Variants in GRIA3 observed in about 807,000 individuals in gnomAD.
GRIA3 encodes glutamate ionotropic receptor AMPA type subunit 3, also known as glutamate receptor 3.
Under a neutral mutation model 63.0 loss-of-function variants are expected in GRIA3, and 3 were observed. The observed-to-expected ratio is 0.05, with a 90% confidence interval of 0.02 to 0.12. The LOEUF is 0.12. GRIA3 is among the 10% of genes least tolerant of loss of function. The pLI is 1.00. For synonymous variants in GRIA3, 274 were observed against 257.9 expected (o/e 1.06, Z -0.60); for missense variants, 347 against 700.9 (o/e 0.50, Z 5.70).
At chrX:123,324,137 G>T (rs2044885474) in intron 3 of GRIA3, among the ~76,000 whole-genome samples, 1 of 111,755 alleles carries the variant, frequency 8.9e-6, no homozygotes, top group African/African-American at 3.3e-5. Flanking sequence ...AAAATGTGAA[G>T]GACTAACACA....
At chrX:123,469,488 C>T (rs948122348) in intron 13 of GRIA3, among the ~76,000 whole-genome samples, 10 of 111,893 alleles carry the variant, frequency 8.9e-5, no homozygotes, top group Admixed American at 8.6e-4. Context: ...CAAGCTGAAA[C>T]CAGAATACTC....
At position 123,489,082 on chromosome X, in the gene GRIA3, T is replaced by TACACACACACACACACACACACACAC. The variant is rs34745333; in HGVS notation, c.*382_*407dup. On this transcript the variant is annotated 3_prime_UTR_variant, in exon 16 of 16. Coordinates refer to ENST00000620443, the MANE Select transcript of GRIA3 (RefSeq NM_007325.5). ...AGTATATAAACACCATGTTCTTTAA[T>TACACACACACACACACACACACACAC]ACACACACACACACACACACACACA... 4.2e-5 allele frequency: 4 copies of TACACACACACACACACACACACACAC among 94,180 alleles called. No individual in the cohort carries two copies. Among genetic ancestry groups the TACACACACACACACACACACACACAC allele is most frequent in the African/African-American group, 1.5e-4 (4 of 26,033 alleles). The allele number at this position is 94,180 out of a possible 1,213,427, so 7.8% of individuals were successfully genotyped here. A position where few individuals can be genotyped will look rare whatever the true frequency, so the allele number is the denominator to read the frequency against.
intron 7 of GRIA3, among the ~76,000 whole-genome samples, chrX:123,400,376 T>C (rs1369391998): frequency 9.0e-6 from 1 of 111,703 alleles, no homozygotes; most frequent in African/African-American, 3.2e-5. Flanking sequence ...GGACAATCTC[T>C]ATTGCTCCAG....
Position 123,184,422 on chromosome X carries a change from G to GC in GRIA3, c.-113dup. On this transcript the variant is annotated 5_prime_UTR_variant, in exon 1 of 16. Coordinates refer to ENST00000620443, the MANE Select transcript of GRIA3 (RefSeq NM_007325.5). ...GGGTGGAAAGGAAGAGTGAGCGAGA[G>GC]CAAGTTAAGGGGAGGGGGTGTAAGA... 3.3e-6 allele frequency: 2 copies of GC among 608,872 alleles called. No individual in the cohort carries two copies. The highest frequency in any genetic ancestry group is 5.7e-6 in the Non-Finnish European group (2 of 350,338). 50.2% of individuals were successfully genotyped at this position (608,872 alleles called of 1,213,427 possible).
chrX:123,282,960 G>A (rs945617104), intron 3 of GRIA3, among the ~76,000 whole-genome samples: 2 of 111,778 alleles, frequency 1.8e-5, no homozygotes, highest in African/African-American at 6.5e-5. Context: ...TGGCAAGACG[G>A]CCAAATAGGA....
intron 13 of GRIA3, among the ~76,000 whole-genome samples, chrX:123,479,340 A>G (rs1044087422): frequency 8.9e-6 from 1 of 112,053 alleles, no homozygotes; most frequent in African/African-American, 3.2e-5. Context: ...CTCAAAAACA[A>G]TCCATAGACC....
intron 14 of GRIA3, among the ~76,000 whole-genome samples, chrX:123,481,043 T>C (rs2045910296): frequency 8.9e-6 from 1 of 112,127 alleles, no homozygotes; most frequent in South Asian, 3.7e-4. Context: ...TGCTACTGGT[T>C]TTCTACATCC....
chrX:123,395,215 G>A (rs1311925442), intron 6 of GRIA3, 86 bp downstream of exon 6: 1 of 833,097 alleles, frequency 1.2e-6, no homozygotes, highest in Non-Finnish European at 1.8e-6. Context: ...GTCATCTTAT[G>A]ATCAAGTGAT....
intron 1 of GRIA3, chrX:123,185,000 C>T (rs887717729): frequency 7.9e-5 from 28 of 355,015 alleles, no homozygotes; most frequent in Non-Finnish European, 1.3e-4. Context: ...TTTGCCATGG[C>T]GTGCGTGCAG....
At chrX:123,204,241 A>C (rs1179404280) in intron 2 of GRIA3, among the ~76,000 whole-genome samples, 1 of 111,972 alleles carries the variant, frequency 8.9e-6, no homozygotes, top group East Asian at 2.8e-4. Context: ...CGCAGATCAC[A>C]CTACTTAGAT....
intron 3 of GRIA3, among the ~76,000 whole-genome samples, chrX:123,311,206 C>T (rs756723833): frequency 2.5e-4 from 28 of 111,478 alleles, no homozygotes; most frequent in African/African-American, 7.8e-4. Flanking sequence ...TTAGATTGCA[C>T]GCAAGTTCAA....
Position 123,489,806 on chromosome X carries a change from T to C in GRIA3, c.*1096T>C, listed in dbSNP as rs989747354. 3.6e-5 allele frequency: 4 copies of C among 112,245 alleles called. No individual in the cohort carries two copies. Among genetic ancestry groups the C allele is most frequent in the African/African-American group, 1.3e-4 (4 of 30,800 alleles). 9.3% of individuals were successfully genotyped at this position (112,245 alleles called of 1,213,427 possible). On this transcript the variant is annotated 3_prime_UTR_variant, in exon 16 of 16. Coordinates refer to ENST00000620443, the MANE Select transcript of GRIA3 (RefSeq NM_007325.5). ...TCAGACCACAGTTCTCAGTCTGACT[T>C]TACTCTTGCTAGGTCTGTCCTACTA... is the stretch of plus-strand genomic sequence containing the variant.
intron 2 of GRIA3, among the ~76,000 whole-genome samples, chrX:123,186,306 GA>G (rs984207792): frequency 2.0e-4 from 21 of 106,187 alleles, no homozygotes; most frequent in African/African-American, 3.4e-4. Context: ...TTTAACTGGG[GA>G]AAAAAAAAGA....
intron 13 of GRIA3, among the ~76,000 whole-genome samples, chrX:123,476,866 G>C (rs1452183602): frequency 1.8e-5 from 2 of 111,366 alleles, no homozygotes; most frequent in Admixed American, 1.9e-4. Flanking sequence ...CCCGACCCAG[G>C]TGTGACAACA....
intron 1 of GRIA3, 53 bp from the exon 2 acceptor site, chrX:123,185,779 C>T: frequency 9.3e-7 from 1 of 1,075,832 alleles, no homozygotes; most frequent in Admixed American, 2.2e-5. Context: ...CAATTCCTAA[C>T]TGGCCCTAGT....
chrX:123,276,354 T>C (rs1188618448), intron 3 of GRIA3, among the ~76,000 whole-genome samples: 6 of 111,808 alleles, frequency 5.4e-5, no homozygotes, highest in Admixed American at 1.9e-4. Context: ...ATCTAGGTGA[T>C]GATTTTGAGA....
chrX:123,417,841 A>G (rs754342179), intron 11 of GRIA3, 63 bp downstream of exon 11: 5 of 974,265 alleles, frequency 5.1e-6, no homozygotes, highest in Non-Finnish European at 7.3e-6. Flanking sequence ...ATTCATGTAC[A>G]TATGGTATTC....
At chrX:123,357,465 T>C (rs1444855803) in intron 5 of GRIA3, among the ~76,000 whole-genome samples, 1 of 105,919 alleles carries the variant, frequency 9.4e-6, no homozygotes, top group Non-Finnish European at 1.9e-5. Context: ...ACTAGATGTA[T>C]ACATCTGTGG....
chrX:123,296,804 CT>C (rs1366351203), intron 3 of GRIA3, among the ~76,000 whole-genome samples: 1 of 111,152 alleles, frequency 9.0e-6, no homozygotes. Context: ...TTAAACTCAT[CT>C]TTATATTGTT....
Sources: allele counts gnomAD v4.1 joint callset (sites outside exome capture counted in the v4.1 genomes callset), GRCh38; gene constraint gnomAD v4.1.1; transcripts MANE v1.5; gene names NCBI Gene and HGNC (gene_info 2026-07-23, HGNC 2026-07-21).